The following SEMA3E variants were observed in gnomAD, a reference collection of about 807,000 sequenced individuals.
SEMA3E encodes semaphorin-3E.
In SEMA3E, 49 loss-of-function variants were observed where a neutral mutation model predicts 93.6. That is an observed-to-expected ratio of 0.52 (90% CI 0.42 to 0.66). The LOEUF (loss-of-function observed/expected upper bound fraction) is 0.66, where lower values mean the gene tolerates loss of function less well. Among genes scored for constraint, SEMA3E ranks in the 30% least tolerant of loss-of-function variants. The pLI is 0.00. For synonymous variants in SEMA3E, 363 were observed against 330.7 expected, an observed-to-expected ratio of 1.10 and a Z score of -1.06; for missense variants, 906 against 964.8, an observed-to-expected ratio of 0.94 and a Z score of 0.81.
chr7:83,389,607 GTATA>G (rs1787951364), intron 14 of SEMA3E, among the ~76,000 whole-genome samples: 1 of 150,492 alleles, frequency 6.6e-6, no homozygotes, highest in Non-Finnish European at 1.5e-5. Context: ...ATATATACAC[GTATA>G]TATTACATGT....
chr7:83,580,753 C>T (rs1209546002), intron 1 of SEMA3E, among the ~76,000 whole-genome samples: 1 of 151,856 alleles, frequency 6.6e-6, no homozygotes, highest in Non-Finnish European at 1.5e-5. Context: ...TTATATAACC[C>T]TCTCCTATTT....
chr7:83,391,457 A>G (rs1401732285), intron 14 of SEMA3E, among the ~76,000 whole-genome samples: 2 of 152,174 alleles, frequency 1.3e-5, no homozygotes, highest in Non-Finnish European at 2.9e-5. Context: ...TAATTATGTG[A>G]CTATATTCTT....
At chr7:83,520,273 G>A (rs2115683393) in intron 1 of SEMA3E, among the ~76,000 whole-genome samples, 1 of 152,196 alleles carries the variant, frequency 6.6e-6, no homozygotes, top group African/African-American at 2.4e-5. Flanking sequence ...TTAGGAGATT[G>A]GGGAATCTCA....
chr7:83,464,926 G>A (rs1322940033), intron 4 of SEMA3E, among the ~76,000 whole-genome samples: 1 of 150,994 alleles, frequency 6.6e-6, no homozygotes, highest in Non-Finnish European at 1.5e-5. Flanking sequence ...ATTAATATAA[G>A]AAGGCAGGAA....
At chr7:83,477,562 TATA>T (rs1245491270) in intron 2 of SEMA3E, among the ~76,000 whole-genome samples, 1 of 152,144 alleles carries the variant, frequency 6.6e-6, no homozygotes, top group Non-Finnish European at 1.5e-5. Flanking sequence ...GTGCCAGAAT[TATA>T]ATATTTTGAA....
chr7:83,641,352 A>C (rs1049124072), intron 1 of SEMA3E: 30 of 984,994 alleles, frequency 3.0e-5, no homozygotes, highest in Non-Finnish European at 3.6e-5. Flanking sequence ...AAGGGAAGGC[A>C]AAGTGGGAGA....
At chr7:83,639,060 G>C (rs1163844961) in intron 1 of SEMA3E, among the ~76,000 whole-genome samples, 1 of 132,214 alleles carries the variant, frequency 7.6e-6, no homozygotes, top group South Asian at 2.5e-4. Context: ...GCAGTGAGCC[G>C]AGATCCCGCC....
At chr7:83,593,862 C>T (rs1792812340) in intron 1 of SEMA3E, among the ~76,000 whole-genome samples, 1 of 152,122 alleles carries the variant, frequency 6.6e-6, no homozygotes, top group African/African-American at 2.4e-5. Flanking sequence ...TGTGGAAATA[C>T]ATAGCATAAC....
At chr7:83,569,729 A>G (rs1162567654) in intron 1 of SEMA3E, among the ~76,000 whole-genome samples, 1 of 152,226 alleles carries the variant, frequency 6.6e-6, no homozygotes. Context: ...ACTGAGATTC[A>G]TAAAACAAGT....
intron 16 of SEMA3E, among the ~76,000 whole-genome samples, chr7:83,371,022 G>A (rs889821963): frequency 3.0e-4 from 46 of 151,172 alleles, no homozygotes; most frequent in African/African-American, 9.2e-4. Context: ...TCAAACTAGC[G>A]TTGGTGGAAG....
intron 1 of SEMA3E, among the ~76,000 whole-genome samples, chr7:83,544,087 T>A (rs1791593464): frequency 1.3e-5 from 2 of 152,090 alleles, no homozygotes; most frequent in African/African-American, 4.8e-5. Context: ...CCAATTAAAT[T>A]ATTTCCTGAG....
chr7:83,640,347 C>T (rs1018787029), intron 1 of SEMA3E, among the ~76,000 whole-genome samples: 2 of 152,118 alleles, frequency 1.3e-5, no homozygotes, highest in Non-Finnish European at 2.9e-5. Flanking sequence ...AGGTTTACAT[C>T]AATAATATTT....
At chr7:83,638,380 A>G (rs1189085816) in intron 1 of SEMA3E, among the ~76,000 whole-genome samples, 1 of 152,206 alleles carries the variant, frequency 6.6e-6, no homozygotes, top group Non-Finnish European at 1.5e-5. Flanking sequence ...TTCTCCAGGA[A>G]AACTTCTCTT....
chr7:83,478,498 A>G (rs1790070011), intron 2 of SEMA3E, among the ~76,000 whole-genome samples: 1 of 152,194 alleles, frequency 6.6e-6, no homozygotes, highest in Non-Finnish European at 1.5e-5. Context: ...AGTCTTAGTA[A>G]TTTTCAAATG....
intron 1 of SEMA3E, among the ~76,000 whole-genome samples, chr7:83,646,559 G>A (rs1417416666): frequency 1.3e-5 from 2 of 151,918 alleles, no homozygotes; most frequent in East Asian, 3.9e-4. Context: ...ATTTTCAGCT[G>A]GTTCCATTAA....
At chr7:83,408,158 G>A (rs552672487) in intron 6 of SEMA3E, among the ~76,000 whole-genome samples, 1 of 152,154 alleles carries the variant, frequency 6.6e-6, no homozygotes, top group South Asian at 2.1e-4. Context: ...AAGGTATACT[G>A]ATTTTATAAT....
chr7:83,379,789 T>A lies in SEMA3E; in HGVS notation c.1875+5505A>T, dbSNP rs111715762. On this transcript the variant is annotated intron_variant, in intron 16 of 16. Transcript: ENST00000643230. ...GCTTCAATTTTTTAAATCTGTAAAG[T>A]AGAAACAATAAAAATATCTCCTTCA... Among the ~76,000 whole-genome samples, 9 of 152,030 alleles carry A rather than the reference T, an allele frequency of 5.9e-5. 2 individuals carry two copies. The highest frequency in any genetic ancestry group is 2.2e-4 in the African/African-American group (9 of 41,520).
chr7:83,600,486 ATTTTTTTTTTTTTTTTTTTT>A (rs71522671), intron 1 of SEMA3E, among the ~76,000 whole-genome samples: 2 of 63,050 alleles, frequency 3.2e-5, no homozygotes, highest in Admixed American at 2.5e-4. Flanking sequence ...CGCCCAGCTA[ATTTTTTTTTTTTTTTTTTTT>A]TTTTTTTTTT....
chr7:83,489,520 T>C (rs772753494), intron 2 of SEMA3E, among the ~76,000 whole-genome samples: 2 of 151,904 alleles, frequency 1.3e-5, no homozygotes, highest in East Asian at 3.9e-4. Flanking sequence ...TAAATATTTA[T>C]GTATGTTTTG....
Sources: allele counts gnomAD v4.1 joint callset (sites outside exome capture counted in the v4.1 genomes callset), GRCh38; gene constraint gnomAD v4.1.1; transcripts MANE v1.5; gene names NCBI Gene and HGNC (gene_info 2026-07-23, HGNC 2026-07-21).